NOTCH2NLB: variants seen among roughly 807,000 people sequenced by gnomAD.
The protein encoded by NOTCH2NLB is notch 2 N-terminal like B.
Under a neutral mutation model 14.8 loss-of-function variants are expected in NOTCH2NLB, and 1 was observed. That is an observed-to-expected ratio of 0.07 (90% CI 0.02 to 0.32). The LOEUF (loss-of-function observed/expected upper bound fraction) is 0.32. NOTCH2NLB is among the 10% of genes least tolerant of loss of function. The pLI is 1.00. For synonymous variants in NOTCH2NLB, 6 were observed against 57.5 expected (o/e 0.10, Z 4.05); for missense variants, 11 against 155.0 (o/e 0.07, Z 4.93).
chr1:148,712,533 C>T, the NOTCH2NLB span, among the ~76,000 whole-genome samples: 1 of 152,304 alleles, frequency 6.6e-6, no homozygotes, highest in Non-Finnish European at 1.5e-5. Context: ...CACTCCTATA[C>T]TGGATATGTC....
At chr1:148,627,287 TGA>T (rs1357112347) in intron 2 of NOTCH2NLB, among the ~76,000 whole-genome samples, 1 of 64,544 alleles carries the variant, frequency 1.5e-5, no homozygotes, top group African/African-American at 7.9e-5. Flanking sequence ...CAAAACTGAA[TGA>T]GTTAGCTCAG....
intron 3 of NOTCH2NLB, among the ~76,000 whole-genome samples, chr1:148,610,009 C>T (rs1357480905): frequency 2.1e-5 from 3 of 143,376 alleles, no homozygotes; most frequent in Non-Finnish European, 4.5e-5. Context: ...ATCCCCGGAC[C>T]GGAAGTGGTG....
chr1:148,693,097 C>CG, the NOTCH2NLB span, among the ~76,000 whole-genome samples: 1 of 115,602 alleles, frequency 8.7e-6, no homozygotes, highest in Non-Finnish European at 1.8e-5. Flanking sequence ...CGCCCCCCCC[C>CG]CCCCACCATC....
Position 148,679,595 on chromosome 1 carries a change from G to C in NOTCH2NLB, c.-131C>G. 9.2e-7 allele frequency: 1 copy of C among 1,087,706 alleles called. No individual in the cohort carries two copies. The highest frequency in any genetic ancestry group is 2.1e-5 in the South Asian group (1 of 48,168). The allele number at this position is 1,087,706 out of a possible 1,614,324, so 67.4% of individuals were successfully genotyped here. A position where few individuals can be genotyped will look rare whatever the true frequency, so the allele number is the denominator to read the frequency against. ...CAGATCCACATGGGGAGGGGGTCCC[G>C]ATAGAGGAGCCCCACTCTCTCCTCC... On this transcript the variant is annotated 5_prime_UTR_variant, in exon 1 of 5. In the 5' UTR this introduces an upstream ATG that the reference lacks. Transcript: ENST00000593495.
intron 3 of NOTCH2NLB, among the ~76,000 whole-genome samples, chr1:148,610,351 AAGAAAGAAAGAAAGAAAGAAAG>A (rs1165583014): frequency 2.6e-4 from 30 of 115,254 alleles, no homozygotes; most frequent in South Asian, 8.4e-4. Context: ...GAAAGAAAGA[AAGAAAGAAAGAAAGAAAGAAAG>A]AGAAAGAAAG....
chr1:148,638,822 A>C lies in NOTCH2NLB; in HGVS notation c.77+1194T>G, dbSNP rs1374357860. ...GTAATTACATTCCTGGTAAGAAATA[A>C]AAATGTGTTGGATAAACTCACTTAA... On this transcript the variant is annotated intron_variant, in intron 2 of 4. Coordinates refer to ENST00000593495, the Ensembl canonical transcript of NOTCH2NLB. Among the ~76,000 whole-genome samples the C allele has an allele frequency of 1.4e-5, 2 of 147,966 alleles. 1 individual carries two copies. The highest frequency in any genetic ancestry group is 3.0e-5 in the Non-Finnish European group (2 of 66,972).
chr1:148,707,879 T>A, the NOTCH2NLB span, among the ~76,000 whole-genome samples: 1 of 109,874 alleles, frequency 9.1e-6, no homozygotes, highest in African/African-American at 3.5e-5. Context: ...AACCTATACC[T>A]GTAACCATAT....
At chr1:148,613,372 T>C (rs1391999623) in intron 3 of NOTCH2NLB, among the ~76,000 whole-genome samples, 2 of 150,412 alleles carry the variant, frequency 1.3e-5, no homozygotes, top group African/African-American at 4.9e-5. Context: ...AATTGAAGGA[T>C]ACAAAATATT....
At chr1:148,638,360 A>C (rs1196654419) in intron 2 of NOTCH2NLB, among the ~76,000 whole-genome samples, 1 of 149,266 alleles carries the variant, frequency 6.7e-6, no homozygotes, top group Non-Finnish European at 1.5e-5. Flanking sequence ...ATTCTAGCAA[A>C]AGAAACACAT....
At chr1:148,703,454 G>A in the NOTCH2NLB span, among the ~76,000 whole-genome samples, 2 of 32,328 alleles carry the variant, frequency 6.2e-5, no homozygotes, top group Middle Eastern at 0.025. Context: ...CCTCCTGGAG[G>A]GTAATGAGAG....
Position 148,679,758 on chromosome 1 carries a change from G to A in NOTCH2NLB, c.-294C>T, listed in dbSNP as rs1412291186. 9 of 841,862 alleles carry A rather than the reference G, an allele frequency of 1.1e-5. 1 individual carries two copies. In the African/African-American group the frequency reaches 1.3e-4, roughly 13 times the overall value. The allele number at this position is 841,862 out of a possible 1,614,324, so 52.1% of individuals were successfully genotyped here. On this transcript the variant is annotated 5_prime_UTR_variant, in exon 1 of 5. Transcript: ENST00000593495. ...CCCGAAGTTTGGCTGAAACTTTCTC[G>A]GGTGTGCAGCGAAGCAGCCTCGTGT...
At chr1:148,661,502 G>T (rs1351388418) in intron 1 of NOTCH2NLB, among the ~76,000 whole-genome samples, 54 of 146,146 alleles carry the variant, frequency 3.7e-4, no homozygotes, top group African/African-American at 1.2e-3. Context: ...TCAACCTGTC[G>T]TGAATAAAAA....
At chr1:148,699,530 A>AT in the NOTCH2NLB span, among the ~76,000 whole-genome samples, 417 of 127,224 alleles carry the variant, frequency 3.3e-3, 1 homozygote, top group Middle Eastern at 0.019. Flanking sequence ...TGTGTGGTTA[A>AT]TTTTTTTTTA....
rs1664139847 is a variant in NOTCH2NLB, at chr1:148,633,016, T to G, written c.77+7000A>C. 1.7e-5 allele frequency among the ~76,000 whole-genome samples: 2 copies of G among 118,350 alleles called. 1 individual carries two copies. Among genetic ancestry groups the G allele is most frequent in the Admixed American group, 1.6e-4 (2 of 12,640 alleles). 77.6% of individuals were successfully genotyped at this position (118,350 alleles called of 152,430 possible). A position where few individuals can be genotyped will look rare whatever the true frequency, so the allele number is the denominator to read the frequency against. The stretch of plus-strand genomic sequence containing the variant: ...CTCATGTAACTATATGCAGATTTAG[T>G]GTTCTAGAATGATATGAGGTACTCA... On this transcript the variant is annotated intron_variant, in intron 2 of 4. Coordinates refer to ENST00000593495, the Ensembl canonical transcript of NOTCH2NLB.
At chr1:148,610,330 AAAG>A (rs1663650300) in intron 3 of NOTCH2NLB, among the ~76,000 whole-genome samples, 1 of 73,296 alleles carries the variant, frequency 1.4e-5, no homozygotes, top group African/African-American at 6.0e-5. Context: ...AGAGAGAAAG[AAAG>A]AAAGAAAGAA....
At chr1:148,693,134 G>A in the NOTCH2NLB span, among the ~76,000 whole-genome samples, 2 of 131,144 alleles carry the variant, frequency 1.5e-5, no homozygotes, top group African/African-American at 3.0e-5. Context: ...CTCTTCCTTA[G>A]TCTTACCCCT....
intron 2 of NOTCH2NLB, among the ~76,000 whole-genome samples, chr1:148,637,961 A>G (rs1664250240): frequency 6.8e-6 from 1 of 147,972 alleles, no homozygotes; most frequent in African/African-American, 2.5e-5. Context: ...CATCGTGTAT[A>G]CATGCCACAT....
intron 2 of NOTCH2NLB, among the ~76,000 whole-genome samples, chr1:148,637,609 T>C (rs1393910628): frequency 3.4e-5 from 5 of 147,746 alleles, no homozygotes; most frequent in African/African-American, 1.3e-4. Context: ...AGTTTTGGGA[T>C]ACATGTGCAG....
Position 148,623,668 on chromosome 1 carries a change from CT to C in NOTCH2NLB, c.78-7719del, listed in dbSNP as rs1166264907. Among the ~76,000 whole-genome samples, 3 of 20,584 alleles carry C rather than the reference CT, an allele frequency of 1.5e-4. 1 individual carries two copies. Among genetic ancestry groups the C allele is most frequent in the Non-Finnish European group, 2.3e-4 (3 of 12,796 alleles). 13.5% of individuals were successfully genotyped at this position (20,584 alleles called of 152,430 possible). A position where few individuals can be genotyped will look rare whatever the true frequency, so the allele number is the denominator to read the frequency against. On this transcript the variant is annotated intron_variant, in intron 2 of 4. Transcript: ENST00000593495. ...AGTGCCATGTCATGCACTACATTGT[CT>C]CCACTGGTATGGTTCTTCTTTATTT...
Sources: gnomAD v4.1 joint callset for allele counts (sites outside exome capture counted in the v4.1 genomes callset) on GRCh38, gnomAD v4.1.1 for gene constraint, MANE v1.5 for transcripts, NCBI Gene and HGNC (gene_info 2026-07-23, HGNC 2026-07-21) for gene names.